The following CASK variants were observed in gnomAD, a reference collection of about 807,000 sequenced individuals.
CASK encodes peripheral plasma membrane protein CASK.
Under a neutral mutation model 82.9 loss-of-function variants are expected in CASK, and 4 were observed. The observed-to-expected ratio is 0.05, with a 90% confidence interval of 0.02 to 0.11. CASK has a LOEUF of 0.11. Ranked by LOEUF, CASK falls within the 10% of genes least tolerant of loss-of-function variation. The pLI is 1.00. For synonymous variants in CASK, 259 were observed against 253.5 expected, an observed-to-expected ratio of 1.02 and a Z score of -0.20; for missense variants, 358 against 720.9, an observed-to-expected ratio of 0.50 and a Z score of 5.76.
intron 3 of CASK, among the ~76,000 whole-genome samples, chrX:41,764,197 G>C (rs1226162104): frequency 9.0e-6 from 1 of 110,754 alleles, no homozygotes; most frequent in Admixed American, 9.6e-5. Context: ...CTATAATATT[G>C]TTCCTGATAC....
chrX:41,779,861 T>A (rs1473694493), intron 3 of CASK, among the ~76,000 whole-genome samples: 3 of 109,407 alleles, frequency 2.7e-5, no homozygotes, highest in Non-Finnish European at 5.7e-5. Flanking sequence ...AAAATAATAA[T>A]AAAAAAAGAG....
chrX:41,770,553 A>AT (rs1280555770), intron 3 of CASK, among the ~76,000 whole-genome samples: 2 of 109,889 alleles, frequency 1.8e-5, no homozygotes, highest in Non-Finnish European at 1.9e-5. Flanking sequence ...CGTCCAGCTA[A>AT]TTTTTTTGTA....
intron 4 of CASK, among the ~76,000 whole-genome samples, chrX:41,741,628 T>A (rs1290363506): frequency 8.9e-6 from 1 of 111,949 alleles, no homozygotes; most frequent in Non-Finnish European, 1.9e-5. Context: ...GACCCAAACG[T>A]ATGTACACAG....
intron 8 of CASK, among the ~76,000 whole-genome samples, chrX:41,647,502 A>C (rs1381214913): frequency 9.0e-6 from 1 of 111,662 alleles, no homozygotes; most frequent in Non-Finnish European, 1.9e-5. Flanking sequence ...TTTAGAATTA[A>C]GTTTCTCTGT....
intron 12 of CASK, among the ~76,000 whole-genome samples, chrX:41,608,556 T>C (rs1166050192): frequency 1.8e-5 from 2 of 112,193 alleles, no homozygotes; most frequent in Non-Finnish European, 3.8e-5. Context: ...ATTTTTCTTG[T>C]AAAAAGACTA....
chrX:41,612,316 C>T (rs1371578151), intron 11 of CASK, among the ~76,000 whole-genome samples: 3 of 110,350 alleles, frequency 2.7e-5, no homozygotes, highest in East Asian at 5.9e-4. Flanking sequence ...CCCGCCGCCC[C>T]GTCTGGGAGG....
At chrX:41,534,515 A>G (rs1414571654) in intron 24 of CASK, among the ~76,000 whole-genome samples, 191 bp downstream of exon 24, 1 of 110,964 alleles carries the variant, frequency 9.0e-6, no homozygotes, top group Non-Finnish European at 1.9e-5. Flanking sequence ...CAAAATATTT[A>G]TAGCACTTAT....
At chrX:41,723,188 AGGTACTTC>A (rs1311307069) in intron 5 of CASK, among the ~76,000 whole-genome samples, 1 of 112,383 alleles carries the variant, frequency 8.9e-6, no homozygotes, top group African/African-American at 3.2e-5. Context: ...AGAAATGGCA[AGGTACTTC>A]TGTAAATTTT....
chrX:41,883,428 C>T (rs1300548683), intron 1 of CASK, among the ~76,000 whole-genome samples: 3 of 111,074 alleles, frequency 2.7e-5, no homozygotes, highest in Non-Finnish European at 5.7e-5. Context: ...CCCTTCAGGA[C>T]AGGAAAGAAA....
chrX:41,709,342 G>T (rs2067934698), intron 5 of CASK, among the ~76,000 whole-genome samples: 1 of 112,067 alleles, frequency 8.9e-6, no homozygotes, highest in South Asian at 3.7e-4. Flanking sequence ...ACAGTGGAGA[G>T]TTGGCAGGAG....
In CASK at chrX:41,534,939, T is replaced by G. The variant is rs1348312848; in HGVS notation, c.2190A>C (p.Glu730Asp). 1 of 1,198,878 alleles carries G rather than the reference T, an allele frequency of 8.3e-7. No homozygotes were observed. The highest frequency in any genetic ancestry group is 2.2e-5 in the Admixed American group (1 of 45,978). Residue 730 changes from glutamate (E) to aspartate (D), a missense_variant, in exon 23 of 27, where the codon GAA becomes GAC. By Grantham distance (45) the Glu-to-Asp change is conservative. Around this residue, in one of 5 missense-constraint regions of CASK, gnomAD observed 118 missense variants for 169.4 expected, o/e 0.70. Coordinates refer to ENST00000378163, the MANE Select transcript of CASK (RefSeq NM_001367721.1). ...FDQLDLVTYE[E>D]VVKLPAFKRK... ...TCTTGAATGCTGGCAGTTTTACTAC[T>G]TCTTCATATGTGACAAGATCTAATT...
chrX:41,797,640 GTCA>G (rs1392027248), intron 2 of CASK, among the ~76,000 whole-genome samples: 1 of 111,843 alleles, frequency 8.9e-6, no homozygotes, highest in East Asian at 2.8e-4. Context: ...CAGCAAGACA[GTCA>G]TCATCACATG....
chrX:41,534,363 A>G (rs1481351983), intron 24 of CASK, among the ~76,000 whole-genome samples: 4 of 106,916 alleles, frequency 3.7e-5, no homozygotes, highest in Non-Finnish European at 5.8e-5. Flanking sequence ...ATTGTTACAA[A>G]CAGAATGGAT....
chrX:41,835,732 G>A (rs2070915683), intron 2 of CASK, among the ~76,000 whole-genome samples: 2 of 111,980 alleles, frequency 1.8e-5, no homozygotes, highest in Non-Finnish European at 3.8e-5. Flanking sequence ...TCAGAAGTAG[G>A]TAATCTACAC....
At chrX:41,825,252 A>C (rs2070637479) in intron 2 of CASK, among the ~76,000 whole-genome samples, 1 of 111,369 alleles carries the variant, frequency 9.0e-6, no homozygotes, top group Non-Finnish European at 1.9e-5. Flanking sequence ...AAACACATTA[A>C]ATTACTGTTT....
intron 1 of CASK, among the ~76,000 whole-genome samples, chrX:41,896,854 C>T (rs1252715347): frequency 9.0e-6 from 1 of 111,607 alleles, no homozygotes; most frequent in Non-Finnish European, 1.9e-5. Flanking sequence ...ACTGTAATCA[C>T]CCTGTTGTGC....
intron 3 of CASK, among the ~76,000 whole-genome samples, chrX:41,770,295 T>TCTATCTATCTATCTAC (rs201602205): frequency 4.1e-4 from 38 of 93,136 alleles, no homozygotes; most frequent in Middle Eastern, 0.011. Flanking sequence ...TATCTATCTA[T>TCTATCTATCTATCTAC]CTACCTACCT....
chrX:41,686,737 T>A (rs1402106404), intron 5 of CASK, among the ~76,000 whole-genome samples: 1 of 112,081 alleles, frequency 8.9e-6, no homozygotes, highest in Non-Finnish European at 1.9e-5. Context: ...TCATTTTACA[T>A]GGCAAGGTTC....
intron 2 of CASK, among the ~76,000 whole-genome samples, chrX:41,791,668 A>G (rs746183587): frequency 1.9e-3 from 210 of 107,704 alleles, no homozygotes; most frequent in African/African-American, 6.9e-3. Flanking sequence ...GGTTGCAGTG[A>G]GCCGAGATCA....
Sources: allele counts gnomAD v4.1 joint callset (sites outside exome capture counted in the v4.1 genomes callset), GRCh38; gene constraint gnomAD v4.1.1; regional missense constraint gnomAD v4.1.1; transcripts MANE v1.5; gene names NCBI Gene and HGNC (gene_info 2026-07-23, HGNC 2026-07-21).